The following CTNNA2 variants were observed in gnomAD, a reference collection of about 807,000 sequenced individuals.
CTNNA2 encodes the protein catenin alpha 2.
Under a neutral mutation model 101.0 loss-of-function variants are expected in CTNNA2, and 42 were observed. That is an observed-to-expected ratio of 0.42 (90% CI 0.32 to 0.54). The LOEUF (loss-of-function observed/expected upper bound fraction) is 0.54. Ranked by LOEUF, CTNNA2 falls within the 20% of genes least tolerant of loss-of-function variation. The pLI is 0.14. For missense variants in CTNNA2, 871 were observed against 1,223.1 expected, an observed-to-expected ratio of 0.71 and a Z score of 4.29; for synonymous variants, 450 against 456.4, an observed-to-expected ratio of 0.99 and a Z score of 0.18.
intron 1 of CTNNA2, among the ~76,000 whole-genome samples, chr2:79,635,495 A>T (rs1330979292): frequency 6.6e-6 from 1 of 151,410 alleles, no homozygotes; most frequent in Non-Finnish European, 1.5e-5. Flanking sequence ...TTGATACATG[A>T]TAGTTCTTCT....
chr2:79,457,614 CAGTT>C (rs1167515465), intron 4 of CTNNA2, among the ~76,000 whole-genome samples: 7 of 152,100 alleles, frequency 4.6e-5, no homozygotes, highest in African/African-American at 9.7e-5. Context: ...TATATGTTGT[CAGTT>C]AGCCTCATGG....
chr2:80,258,495 A>G (rs1449561893), intron 7 of CTNNA2, among the ~76,000 whole-genome samples: 6 of 152,136 alleles, frequency 3.9e-5, no homozygotes, highest in Non-Finnish European at 5.9e-5. Context: ...GGGGCATGGC[A>G]AAGTGTGGAG....
chr2:79,761,293 T>C (rs1436403776), intron 3 of CTNNA2, among the ~76,000 whole-genome samples: 3 of 152,192 alleles, frequency 2.0e-5, no homozygotes, highest in Non-Finnish European at 4.4e-5. Flanking sequence ...CATGATTTAT[T>C]TGAAGTTTTA....
chr2:80,542,107 A>C (rs1691614668), intron 9 of CTNNA2, among the ~76,000 whole-genome samples: 1 of 117,276 alleles, frequency 8.5e-6, no homozygotes, highest in East Asian at 2.2e-4. Flanking sequence ...TAAAAGCTAT[A>C]GATTCTTTTT....
intron 9 of CTNNA2, among the ~76,000 whole-genome samples, chr2:80,473,165 G>T (rs186038204): frequency 6.6e-6 from 1 of 152,200 alleles, no homozygotes; most frequent in East Asian, 1.9e-4. Context: ...AAGGGCATTC[G>T]GTGTGGACTG....
At chr2:79,427,398 T>G (rs1031522371) in intron 4 of CTNNA2, among the ~76,000 whole-genome samples, 4 of 152,018 alleles carry the variant, frequency 2.6e-5, no homozygotes, top group African/African-American at 9.7e-5. Flanking sequence ...GCTTGTAATA[T>G]GTTACTAAAA....
intron 9 of CTNNA2, among the ~76,000 whole-genome samples, chr2:80,459,181 A>G (rs1032022244): frequency 6.6e-6 from 1 of 152,168 alleles, no homozygotes; most frequent in Admixed American, 6.5e-5. Flanking sequence ...TGTTTACACA[A>G]TGATGAAACC....
chr2:80,106,951 G>A (rs535747690), intron 7 of CTNNA2, among the ~76,000 whole-genome samples: 103 of 152,320 alleles, frequency 6.8e-4, no homozygotes, highest in Middle Eastern at 3.4e-3. Flanking sequence ...AGGTACTGGT[G>A]TAAAAGCTGT....
At chr2:79,527,018 A>G (rs1351238975) in intron 1 of CTNNA2, among the ~76,000 whole-genome samples, 1 of 152,142 alleles carries the variant, frequency 6.6e-6, no homozygotes, top group Non-Finnish European at 1.5e-5. Flanking sequence ...GACTTTATCA[A>G]AATTAAAAAC....
intron 7 of CTNNA2, among the ~76,000 whole-genome samples, chr2:80,385,714 CTCTG>C (rs1345583101): frequency 6.6e-6 from 1 of 152,106 alleles, no homozygotes; most frequent in Non-Finnish European, 1.5e-5. Context: ...CCTCCTGTCT[CTCTG>C]TCTTTCTCCG....
At chr2:80,194,205 T>C (rs1032888063) in intron 7 of CTNNA2, among the ~76,000 whole-genome samples, 1 of 152,196 alleles carries the variant, frequency 6.6e-6, no homozygotes, top group Non-Finnish European at 1.5e-5. Context: ...ATTCTATTTG[T>C]GTGGAAAGTA....
intron 7 of CTNNA2, among the ~76,000 whole-genome samples, chr2:80,068,318 G>T (rs556642677): frequency 6.6e-6 from 1 of 152,184 alleles, no homozygotes; most frequent in African/African-American, 2.4e-5. Flanking sequence ...TAGAGAGCCT[G>T]CAGGGAGTGG....
At chr2:80,299,184 A>T (rs748054668) in intron 7 of CTNNA2, 2 of 151,812 alleles carry the variant, frequency 1.3e-5, no homozygotes, top group African/African-American at 2.4e-5. Flanking sequence ...TGGGAAGAAT[A>T]AAAAAAAGGT....
At chr2:80,429,122 T>C (rs1681253698) in intron 9 of CTNNA2, among the ~76,000 whole-genome samples, 1 of 152,176 alleles carries the variant, frequency 6.6e-6, no homozygotes, top group South Asian at 2.1e-4. Flanking sequence ...TTCTCCTCCG[T>C]AATTTAAGAA....
At chr2:80,041,838 G>T (rs1357967341) in intron 7 of CTNNA2, among the ~76,000 whole-genome samples, 1 of 152,146 alleles carries the variant, frequency 6.6e-6, no homozygotes, top group African/African-American at 2.4e-5. Flanking sequence ...TAGCATCAAG[G>T]TGGTCCCTGG....
intron 1 of CTNNA2, among the ~76,000 whole-genome samples, chr2:79,635,162 G>C (rs1679938921): frequency 6.6e-6 from 1 of 152,118 alleles, no homozygotes; most frequent in African/African-American, 2.4e-5. Flanking sequence ...TTGTCAATCA[G>C]GTGCTGATAG....
At chr2:80,199,045 G>C (rs1707024530) in intron 7 of CTNNA2, among the ~76,000 whole-genome samples, 1 of 151,846 alleles carries the variant, frequency 6.6e-6, no homozygotes, top group African/African-American at 2.4e-5. Flanking sequence ...GCTGGGTGTG[G>C]TGGTGCATGC....
intron 3 of CTNNA2, among the ~76,000 whole-genome samples, chr2:79,327,582 A>G (rs1352314486): frequency 6.6e-6 from 1 of 152,164 alleles, no homozygotes; most frequent in Non-Finnish European, 1.5e-5. Flanking sequence ...GGATTCTGCT[A>G]TTGCCTTGGG....
chr2:79,587,219 C>T (rs752833263), intron 1 of CTNNA2, among the ~76,000 whole-genome samples: 12 of 152,024 alleles, frequency 7.9e-5, no homozygotes, highest in East Asian at 1.9e-4. Flanking sequence ...GGTAGTTCTA[C>T]TTTTAGTCCT....
Sources: allele counts gnomAD v4.1 joint callset (sites outside exome capture counted in the v4.1 genomes callset), GRCh38; gene constraint gnomAD v4.1.1; transcripts MANE v1.5; gene names NCBI Gene and HGNC (gene_info 2026-07-23, HGNC 2026-07-21).